The following GPHN variants were observed in gnomAD, a reference collection of about 807,000 sequenced individuals.
The protein encoded by GPHN is gephyrin.
In GPHN, 17 loss-of-function variants were observed where a neutral mutation model predicts 95.5. The observed-to-expected ratio is 0.18, with a 90% CI of 0.12 to 0.27. GPHN has a LOEUF of 0.27. Among genes scored for constraint, GPHN ranks in the 10% least tolerant of loss-of-function variants. GPHN has a pLI of 1.00. For synonymous variants in GPHN, 320 were observed against 322.5 expected (o/e 0.99, Z 0.08); for missense variants, 660 against 978.1 (o/e 0.67, Z 4.34).
At chr14:67,538,559 G>A in the GPHN span, among the ~76,000 whole-genome samples, 5 of 152,206 alleles carry the variant, frequency 3.3e-5, no homozygotes, top group African/African-American at 1.2e-4. Context: ...CAGCTTACTG[G>A]TATCTTCCTT....
chr14:66,796,727 C>T (rs192590156), intron 3 of GPHN, among the ~76,000 whole-genome samples: 38 of 151,992 alleles, frequency 2.5e-4, no homozygotes, highest in African/African-American at 7.5e-4. Context: ...TCATTAATCC[C>T]TTGTCCGATG....
chr14:67,507,939 G>A, the GPHN span, among the ~76,000 whole-genome samples: 1 of 152,142 alleles, frequency 6.6e-6, no homozygotes, highest in East Asian at 1.9e-4. Context: ...GGGAGTTCCA[G>A]ACCAGCCTGA....
intron 1 of GPHN, among the ~76,000 whole-genome samples, chr14:66,645,507 C>T (rs887294013): frequency 4.0e-5 from 6 of 151,706 alleles, no homozygotes; most frequent in East Asian, 3.9e-4. Context: ...GCCAACAAGG[C>T]GAAATCCCTC....
intron 11 of GPHN, among the ~76,000 whole-genome samples, chr14:67,062,569 T>A (rs777314218): frequency 1.3e-5 from 2 of 151,794 alleles, no homozygotes; most frequent in Non-Finnish European, 2.9e-5. Context: ...AAAGTGATTG[T>A]TGTGAAGGTC....
chr14:67,400,863 A>G, the GPHN span, among the ~76,000 whole-genome samples: 1 of 152,054 alleles, frequency 6.6e-6, no homozygotes, highest in African/African-American at 2.4e-5. Context: ...GGTGGCACAC[A>G]TCTGCAGTCC....
At position 66,982,139 on chromosome 14, in the gene GPHN, A is replaced by G. The variant is rs75516848; in HGVS notation, c.963+16814A>G. The stretch of plus-strand genomic sequence containing the variant: ...AGTTGATTTTTAAGCTATGAAATAT[A>G]TGTTTGGTTTAATTAAAATACTACA... On this transcript the variant is annotated intron_variant, in intron 9 of 22. Transcript: ENST00000478722. Among the ~76,000 whole-genome samples, 471 of 152,206 alleles carry G rather than the reference A, an allele frequency of 3.1e-3. 11 individuals are homozygous for G. Among genetic ancestry groups the G allele is most frequent in the African/African-American group, 0.011 (446 of 41,544 alleles).
chr14:66,986,418 C>T (rs1260413927), intron 9 of GPHN, among the ~76,000 whole-genome samples: 1 of 152,052 alleles, frequency 6.6e-6, no homozygotes, highest in African/African-American at 2.4e-5. Flanking sequence ...TGCTAATATA[C>T]AATTGAAAGA....
intron 16 of GPHN, among the ~76,000 whole-genome samples, chr14:67,120,730 CTG>C (rs771747945): frequency 6.6e-6 from 1 of 152,298 alleles, no homozygotes; most frequent in Non-Finnish European, 1.5e-5. Context: ...ACTTTAATAA[CTG>C]TGTTAATTAA....
At chr14:67,382,904 CGTGCGT>C in the GPHN span, among the ~76,000 whole-genome samples, 6 of 140,546 alleles carry the variant, frequency 4.3e-5, no homozygotes, top group South Asian at 4.8e-4. Context: ...TACGTGCGTG[CGTGCGT>C]GTGTGTGTGT....
At chr14:67,726,623 A>G in the GPHN span, among the ~76,000 whole-genome samples, 1 of 152,130 alleles carries the variant, frequency 6.6e-6, no homozygotes, top group Non-Finnish European at 1.5e-5. Context: ...ATGTTTTCTG[A>G]TCCTAAGCAA....
Position 67,122,522 on chromosome 14 carries a change from T to G in GPHN, c.1748+145T>G, listed in dbSNP as rs568175576. ...TCATTCTTCAGAAGCCAAAGAATAT[T>G]GAGGTATCTATGTCCTTTAGAGATA... On this transcript the variant is annotated intron_variant, in intron 17 of 22. Transcript: ENST00000478722. The G allele has an allele frequency of 8.6e-6, 6 of 697,208 alleles. No individual in the cohort carries two copies. The East Asian group carries it at 1.4e-4, about 16-fold the overall frequency. The allele number at this position is 697,208 out of a possible 1,614,324, so 43.2% of individuals were successfully genotyped here.
chr14:66,670,665 G>A (rs2066255488), intron 1 of GPHN, among the ~76,000 whole-genome samples: 2 of 152,130 alleles, frequency 1.3e-5, no homozygotes, highest in African/African-American at 2.4e-5. Context: ...GGTGGCGAAC[G>A]CCTGTGGTCC....
the GPHN span, among the ~76,000 whole-genome samples, chr14:67,552,857 G>A: frequency 3.9e-5 from 6 of 152,116 alleles, no homozygotes; most frequent in Non-Finnish European, 8.8e-5. Context: ...CCAGGGCTGG[G>A]AGGATACCCC....
the GPHN span, among the ~76,000 whole-genome samples, chr14:67,694,595 A>G: frequency 6.6e-6 from 1 of 151,054 alleles, no homozygotes; most frequent in African/African-American, 2.4e-5. Flanking sequence ...TTGAGATTCT[A>G]TGTGGATAAG....
chr14:67,441,672 C>G, the GPHN span, among the ~76,000 whole-genome samples: 1 of 151,604 alleles, frequency 6.6e-6, no homozygotes, highest in Non-Finnish European at 1.5e-5. Context: ...AGACTGCCCT[C>G]TCCATGGTGG....
chr14:67,103,123 A>G (rs564967898), intron 13 of GPHN, among the ~76,000 whole-genome samples: 1 of 152,130 alleles, frequency 6.6e-6, no homozygotes, highest in African/African-American at 2.4e-5. Context: ...TCTGTTGCCC[A>G]GCATGATCTC....
chr14:67,402,052 A>G, the GPHN span, among the ~76,000 whole-genome samples: 7 of 152,024 alleles, frequency 4.6e-5, no homozygotes, highest in Admixed American at 2.6e-4. Context: ...AATCACTTAA[A>G]CTCAGGAGGC....
At chr14:67,451,927 C>T in the GPHN span, among the ~76,000 whole-genome samples, 162 of 152,278 alleles carry the variant, frequency 1.1e-3, no homozygotes, top group African/African-American at 3.7e-3. Context: ...CCATAATTCC[C>T]GTGTGTTGTG....
chr14:67,064,972 T>C (rs970779504), intron 11 of GPHN, among the ~76,000 whole-genome samples: 1 of 152,208 alleles, frequency 6.6e-6, no homozygotes, highest in African/African-American at 2.4e-5. Flanking sequence ...TGCCTTCTGC[T>C]AGCTTTTGAA....
Sources: allele counts gnomAD v4.1 joint callset (sites outside exome capture counted in the v4.1 genomes callset), GRCh38; gene constraint gnomAD v4.1.1; transcripts MANE v1.5; gene names NCBI Gene and HGNC (gene_info 2026-07-23, HGNC 2026-07-21).